The following KCNC4 variants were observed in gnomAD, a reference collection of about 807,000 sequenced individuals.
The protein encoded by KCNC4 is voltage-gated potassium channel KCNC4.
KCNC4 carries 23 observed loss-of-function variants against 42.8 expected under a neutral mutation model. The observed-to-expected ratio is 0.54, with a 90% CI of 0.39 to 0.76. The LOEUF is 0.76. KCNC4 is among the 30% of genes least tolerant of loss of function. KCNC4 has a pLI of 0.00. For missense variants in KCNC4, 751 were observed against 898.2 expected, an observed-to-expected ratio of 0.84 and a Z score of 2.10; for synonymous variants, 422 against 393.5, an observed-to-expected ratio of 1.07 and a Z score of -0.86.
chr1:110,253,177 C>A (rs1206927588), downstream of KCNC4, among the ~76,000 whole-genome samples: 1 of 152,244 alleles, frequency 6.6e-6, no homozygotes, highest in Non-Finnish European at 1.5e-5. Context: ...GCCATGCTGA[C>A]CCCATGCTGA....
In KCNC4 at chr1:110,225,936, C is replaced by A. The variant is rs368382126; in HGVS notation, c.1616-39C>A. On this transcript the variant is annotated intron_variant, in intron 2 of 3. Transcript: ENST00000438661. ...GATGACCCATGAGCAAGGCTCAGGT[C>A]GCCCCTCATGCAGCCTCCTTTCTGT... The A allele has an allele frequency of 5.9e-6, 9 of 1,532,074 alleles. No homozygotes were observed. In the Admixed American group the frequency reaches 9.6e-5, roughly 16 times the overall value. 94.9% of individuals were successfully genotyped at this position (1,532,074 alleles called of 1,614,324 possible).
chr1:110,254,643 T>C (rs945927831), intron 1 of KCNC4, among the ~76,000 whole-genome samples: 4 of 152,206 alleles, frequency 2.6e-5, no homozygotes, highest in Admixed American at 2.6e-4. Context: ...TGTGCAGTGA[T>C]TACGGGAACA....
intron 1 of KCNC4, chr1:110,219,780 C>A (rs1217974527): frequency 6.6e-6 from 1 of 152,222 alleles, no homozygotes; most frequent in Non-Finnish European, 1.5e-5. Flanking sequence ...GGTGAAAAGG[C>A]CTGGTGAAAA....
rs1162166057 is a variant in KCNC4 at position 110,223,172 on chromosome 1, TC to T, written c.889del (p.Leu297TrpfsTer35). On this transcript the variant is annotated frameshift_variant, in exon 2 of 4. Transcript: ENST00000438661. LOFTEE classifies it high-confidence loss of function. This position sits in a 1 kb window ranked among gnomAD's most constrained non-coding sequence, Gnocchi z 7.5. Reference protein sequence around the residue: ...GVCVLWFTLEFLVRIVCCPDT... With the variant: ...GVCVLWFTLEXLVRIVCCPDT... ...TGTGTGCTGTGGTTCACACTGGAGT[TC>T]CTGGTGCGCATCGTGTGCTGCCCCG... The T allele has an allele frequency of 6.2e-7, 1 of 1,614,086 alleles. No individual in the cohort carries two copies. The highest frequency in any genetic ancestry group is 1.3e-5 in the African/African-American group (1 of 74,930).
chr1:110,281,980 C>A (rs1659836898), intron 1 of KCNC4, among the ~76,000 whole-genome samples: 1 of 152,158 alleles, frequency 6.6e-6, no homozygotes, highest in Admixed American at 6.5e-5. Context: ...TGCAGGGGAA[C>A]CAGGAGCCTA....
chr1:110,259,326 A>T (rs573115706), intron 1 of KCNC4, among the ~76,000 whole-genome samples: 141 of 152,350 alleles, frequency 9.3e-4, no homozygotes, highest in African/African-American at 3.3e-3. Flanking sequence ...GGGACGGTGG[A>T]CAAGCAAGGA....
chr1:110,228,275 G>C (rs1485158644), intron 3 of KCNC4, among the ~76,000 whole-genome samples: 1 of 152,180 alleles, frequency 6.6e-6, no homozygotes, highest in African/African-American at 2.4e-5. Context: ...GCTGATGCTG[G>C]AGGCTGTGGG....
chr1:110,269,200 A>G (rs1313901338), intron 1 of KCNC4, among the ~76,000 whole-genome samples: 3 of 152,052 alleles, frequency 2.0e-5, no homozygotes, highest in Non-Finnish European at 4.4e-5. Flanking sequence ...TTAAAGTGCA[A>G]TTTACACCAA....
Position 110,225,996 on chromosome 1 carries a change from C to T in KCNC4, c.1637C>T (p.Ala546Val), listed in dbSNP as rs373438977. 2 of 1,603,102 alleles carry T rather than the reference C, an allele frequency of 1.2e-6. No homozygotes were observed. Among genetic ancestry groups the T allele is most frequent in the South Asian group, 2.2e-5 (2 of 90,366 alleles). ...KRADSKQNGD[A>V]NAVLSDEEGA... ...TCAGACTCTAAGCAGAATGGCGATG[C>T]CAACGCAGTGCTGTCTGATGAGGAG... Residue 546 changes from alanine (A) to valine (V), a missense_variant, in exon 3 of 4, where the codon GCC becomes GTC. Physicochemically the swap from Ala to Val is moderately conservative, Grantham distance 64 (BLOSUM62 0). Coordinates refer to ENST00000438661, the MANE Select transcript of KCNC4 (RefSeq NM_001039574.3).
chr1:110,223,305 C>G lies in KCNC4; in HGVS notation c.1020C>G (p.Arg340=). ...GLSGLSSKAA[R]DVLGFLRVVR... is the part of the protein sequence containing the mutation. ...GCGGCCTGTCATCCAAGGCGGCCCG[C>G]GACGTGCTGGGCTTCCTGCGCGTGG... The change falls in exon 2 of 4, where the codon CGC becomes CGG. Residue 340 remains arginine (R), a synonymous_variant. Transcript: ENST00000438661. This position sits in a 1 kb window ranked among gnomAD's most constrained non-coding sequence, Gnocchi z 7.5. 1.2e-6 allele frequency: 2 copies of G among 1,614,128 alleles called. No homozygotes were observed. The highest frequency in any genetic ancestry group is 8.5e-7 in the Non-Finnish European group (1 of 1,180,020).
intron 3 of KCNC4, among the ~76,000 whole-genome samples, chr1:110,227,925 C>T (rs1658487476): frequency 6.6e-6 from 1 of 152,184 alleles, no homozygotes; most frequent in Admixed American, 6.5e-5. Context: ...CCTGGGGTGC[C>T]TGTGGGGCCT....
intron 1 of KCNC4, among the ~76,000 whole-genome samples, chr1:110,267,409 G>A (rs1042297040): frequency 6.6e-6 from 1 of 151,986 alleles, no homozygotes; most frequent in Non-Finnish European, 1.5e-5. Flanking sequence ...CAGCTGATAC[G>A]AGGCCCGTCC....
chr1:110,267,519 A>G (rs1038277820), intron 1 of KCNC4, among the ~76,000 whole-genome samples: 2 of 152,096 alleles, frequency 1.3e-5, no homozygotes, highest in African/African-American at 2.4e-5. Context: ...TCCTAAGTAC[A>G]TTTACAATCC....
exon 4 of KCNC4, chr1:110,242,254 CG>C (rs5777007): frequency 0.67 from 101,773 of 151,808 alleles, 35,771 homozygotes; most frequent in South Asian, 0.78. Flanking sequence ...CTTGGAACAG[CG>C]GGGGGGGCTA....
chr1:110,222,581 G>T, intron 1 of KCNC4: 1 of 214,966 alleles, frequency 4.7e-6, no homozygotes, highest in Non-Finnish European at 9.4e-6. Context: ...CAGAATCACA[G>T]GACCTGCCCC....
chr1:110,212,288 G>T (rs1239161233), intron 1 of KCNC4, 111 bp downstream of exon 1: 9 of 1,169,506 alleles, frequency 7.7e-6, no homozygotes, highest in Non-Finnish European at 9.9e-6. Flanking sequence ...CCTTACCACC[G>T]CAGATTGTTC....
chr1:110,250,187 C>T (rs1371487983), downstream of KCNC4, among the ~76,000 whole-genome samples: 1 of 152,166 alleles, frequency 6.6e-6, no homozygotes, highest in African/African-American at 2.4e-5. Context: ...CATGACCAGG[C>T]CTCGCACACT....
exon 4 of KCNC4, chr1:110,246,011 G>A (rs1307315339): frequency 6.6e-6 from 1 of 152,194 alleles, no homozygotes. Context: ...CGATGTAAAG[G>A]GTGAGAAAAA....
chr1:110,223,802 T>A lies in KCNC4; in HGVS notation c.1517T>A (p.Met506Lys). Reference sequence around the variant, plus strand: ...CGGCCGGCGCAGCTGGAGTCACCCATGTACTGCAAGTCTGAGGAGACTTCC... The same window carrying A: ...CGGCCGGCGCAGCTGGAGTCACCCAAGTACTGCAAGTCTGAGGAGACTTCC... ...VPRPAQLESP[M>K]YCKSEETSPR... Residue 506 changes from methionine (M) to lysine (K), a missense_variant, in exon 2 of 4, where the codon ATG (methionine) becomes AAG (lysine). This residue lies in a region of KCNC4 where 202 missense variants were observed against 181.5 expected (regional missense o/e 1.11). Transcript: ENST00000438661. This position sits in a 1 kb window ranked among gnomAD's most constrained non-coding sequence, Gnocchi z 7.5. The A allele has an allele frequency of 6.2e-7, 1 of 1,613,988 alleles. No homozygotes were observed. Among genetic ancestry groups the A allele is most frequent in the Non-Finnish European group, 8.5e-7 (1 of 1,179,964 alleles).
Sources: allele counts gnomAD v4.1 joint callset (sites outside exome capture counted in the v4.1 genomes callset), GRCh38; gene constraint gnomAD v4.1.1; regional missense constraint gnomAD v4.1.1; non-coding constraint Gnocchi (gnomAD v3.1); transcripts MANE v1.5; gene names NCBI Gene and HGNC (gene_info 2026-07-23, HGNC 2026-07-21).